Variants in ADGB observed in about 807,000 individuals in gnomAD.
ADGB encodes the protein androglobin, also known as calpain-7-like protein.
A neutral mutation model predicts 210.5 loss-of-function variants in ADGB; 172 were observed. The ratio of observed to expected loss-of-function variants is 0.82; its 90% CI spans 0.72 to 0.93. The LOEUF is 0.93. Among genes scored for constraint, ADGB ranks in the 40% least tolerant of loss-of-function variants. The pLI, the probability that ADGB is intolerant of heterozygous loss-of-function variation, is 0.00. For missense variants in ADGB, 2,025 were observed against 1,964.8 expected (o/e 1.03, Z -0.58); for synonymous variants, 658 against 662.7 (o/e 0.99, Z 0.11).
chr6:146,625,676 A>C (rs559732889), intron 1 of ADGB, among the ~76,000 whole-genome samples: 51 of 152,178 alleles, frequency 3.4e-4, no homozygotes, highest in African/African-American at 1.1e-3. Context: ...GACATGCCTG[A>C]TACTGCTTTG....
rs1420345223 is a variant in ADGB at position 146,726,123 on chromosome 6, C to T, written c.2278C>T (p.His760Tyr). 1.3e-6 allele frequency: 2 copies of T among 1,548,924 alleles called. No homozygotes were observed. Among genetic ancestry groups the T allele is most frequent in the East Asian group, 2.5e-5 (1 of 40,780 alleles). The part of the protein sequence containing the change: ...LLFNAYSPVG[H>Y]SIHICSMVSF... ...CTTCAACGCATACTCCCCAGTAGGA[C>T]ACTCCATACACATCTGCAGCATGGT... Residue 760 changes from histidine to tyrosine, a missense_variant, in exon 19 of 36, where the codon CAC (histidine) becomes TAC (tyrosine). Physicochemically the swap from His to Tyr is moderately conservative, Grantham distance 83 (BLOSUM62 2). Coordinates refer to ENST00000397944, the MANE Select transcript of ADGB (RefSeq NM_024694.4).
At chr6:146,669,386 A>G (rs536941168) in intron 7 of ADGB, among the ~76,000 whole-genome samples, 2 of 152,114 alleles carry the variant, frequency 1.3e-5, no homozygotes, top group South Asian at 2.1e-4. Flanking sequence ...GTTTGTACAC[A>G]CTGTCTTCAT....
rs115995821 is a variant in ADGB, at chr6:146,814,461, A to C, written c.4819-571A>C. On this transcript the variant is annotated intron_variant, in intron 35 of 35. Coordinates refer to ENST00000397944, the MANE Select transcript of ADGB (RefSeq NM_024694.4). Reference sequence around the variant, plus strand: ...GAAATCAGTTGATCCAGGAGGAGAGAGTGCAGTTAAGCAAGAATAAGAACA... The same window carrying C: ...GAAATCAGTTGATCCAGGAGGAGAGCGTGCAGTTAAGCAAGAATAAGAACA... Among the ~76,000 whole-genome samples the C allele has an allele frequency of 5.8e-3, 891 of 152,322 alleles. 6 individuals are homozygous for C. The highest frequency in any genetic ancestry group is 0.012 in the African/African-American group (516 of 41,574).
intron 1 of ADGB, among the ~76,000 whole-genome samples, chr6:146,623,140 A>G (rs1780921066): frequency 6.6e-6 from 1 of 151,864 alleles, no homozygotes; most frequent in African/African-American, 2.4e-5. Context: ...TCCTGTTACA[A>G]AGTTGTTTTG....
At chr6:146,800,896 G>A (rs1168905749) in intron 33 of ADGB, among the ~76,000 whole-genome samples, 1 of 152,046 alleles carries the variant, frequency 6.6e-6, no homozygotes, top group Non-Finnish European at 1.5e-5. Flanking sequence ...TATTAATGGA[G>A]ACTAATTCTC....
intron 1 of ADGB, among the ~76,000 whole-genome samples, chr6:146,623,418 A>T (rs891366672): frequency 6.6e-6 from 1 of 151,932 alleles, no homozygotes; most frequent in Admixed American, 6.6e-5. Flanking sequence ...CTTGAGCAAC[A>T]AATATGACAT....
At chr6:146,813,308 T>C (rs1235375396) in intron 35 of ADGB, among the ~76,000 whole-genome samples, 1 of 150,968 alleles carries the variant, frequency 6.6e-6, no homozygotes, top group Non-Finnish European at 1.5e-5. Context: ...CTTCTGGATA[T>C]GTCTTAGAGT....
chr6:146,788,489 G>A lies in ADGB; in HGVS notation c.4416G>A (p.Trp1472Ter). 1.3e-6 allele frequency: 2 copies of A among 1,551,672 alleles called. No homozygotes were observed. Among genetic ancestry groups the A allele is most frequent in the East Asian group, 2.4e-5 (1 of 40,916 alleles). ...MTQTGSGSAV[W>*]KKWQLTKGLR... Reference sequence around the variant, plus strand: ...AAACAGGATCAGGGAGTGCGGTGTGGAAGAAGTGGCAATTGACCAAAGGCT... The same window carrying A: ...AAACAGGATCAGGGAGTGCGGTGTGAAAGAAGTGGCAATTGACCAAAGGCT... The change falls in exon 33 of 36, where the codon TGG (tryptophan) becomes TGA (stop). Residue 1472 changes from tryptophan to a stop codon, truncating the protein, a stop_gained. Transcript: ENST00000397944. LOFTEE classifies it high-confidence loss of function.
At chr6:146,715,312 T>C in intron 13 of ADGB, 70 bp from the exon 14 acceptor site, 1 of 1,244,414 alleles carries the variant, frequency 8.0e-7, no homozygotes, top group South Asian at 1.4e-5. Flanking sequence ...TTAGCTCTTT[T>C]AGTAACTTTG....
chr6:146,661,947 G>C (rs1426539183), intron 5 of ADGB, among the ~76,000 whole-genome samples: 1 of 152,048 alleles, frequency 6.6e-6, no homozygotes, highest in Non-Finnish European at 1.5e-5. Context: ...CAGCCTTCCA[G>C]AATTTTCCTC....
At chr6:146,782,539 G>C (rs981324935) in intron 30 of ADGB, among the ~76,000 whole-genome samples, 2 of 152,196 alleles carry the variant, frequency 1.3e-5, no homozygotes, top group African/African-American at 4.8e-5. Context: ...TATATGTGCA[G>C]TGGTAGAAAG....
intron 1 of ADGB, among the ~76,000 whole-genome samples, chr6:146,599,993 C>A (rs1482246881): frequency 2.0e-5 from 3 of 152,104 alleles, no homozygotes. Flanking sequence ...TTCTCCATTT[C>A]CTTCCCTGGC....
Position 146,788,624 on chromosome 6 carries a change from T to C in ADGB, c.4537+14T>C, listed in dbSNP as rs765164301. ...AGGAAAACATTCGTAAGTATTGCTG[T>C]CATTGGTAACATAAACATGTATTTT... On this transcript the variant is annotated intron_variant, in intron 33 of 35. Coordinates refer to ENST00000397944, the MANE Select transcript of ADGB (RefSeq NM_024694.4). 16 of 1,545,266 alleles carry C rather than the reference T, an allele frequency of 1.0e-5. No individual in the cohort carries two copies. Among genetic ancestry groups the C allele is most frequent in the Non-Finnish European group, 1.3e-5 (15 of 1,141,864 alleles).
chr6:146,781,959 C>T, intron 29 of ADGB, 61 bp from the exon 30 acceptor site: 1 of 1,265,304 alleles, frequency 7.9e-7, no homozygotes, highest in Non-Finnish European at 1.0e-6. Context: ...CCCTTGTCCC[C>T]TGTGAAACCA....
chr6:146,650,612 A>C (rs1775687044), intron 3 of ADGB, among the ~76,000 whole-genome samples: 1 of 145,440 alleles, frequency 6.9e-6, no homozygotes. Context: ...AAAAAAAAAA[A>C]AAAAAAAAAA....
chr6:146,682,185 AT>A (rs1375513085), intron 9 of ADGB, among the ~76,000 whole-genome samples: 1 of 152,266 alleles, frequency 6.6e-6, no homozygotes, highest in African/African-American at 2.4e-5. Flanking sequence ...TCAGGCTGAA[AT>A]TTTTATAGGT....
At chr6:146,647,875 A>G (rs974426090) in intron 3 of ADGB, among the ~76,000 whole-genome samples, 2 of 152,068 alleles carry the variant, frequency 1.3e-5, no homozygotes, top group East Asian at 1.9e-4. Flanking sequence ...TTTTATTGAA[A>G]GAAAATAAAT....
At chr6:146,718,503 T>C (rs1297703803) in intron 16 of ADGB, among the ~76,000 whole-genome samples, 1 of 152,208 alleles carries the variant, frequency 6.6e-6, no homozygotes, top group Non-Finnish European at 1.5e-5. Context: ...CTGTATCTTT[T>C]TGTTTACCAC....
chr6:146,599,192 G>A, intron 1 of ADGB, 78 bp downstream of exon 1: 1 of 1,338,388 alleles, frequency 7.5e-7, no homozygotes, highest in Non-Finnish European at 1.0e-6. Context: ...CTGCCTCCCT[G>A]CAGCAAACTG....
Sources: allele counts gnomAD v4.1 joint callset (sites outside exome capture counted in the v4.1 genomes callset), GRCh38; gene constraint gnomAD v4.1.1; transcripts MANE v1.5; gene names NCBI Gene and HGNC (gene_info 2026-07-23, HGNC 2026-07-21).